RGS20: variants seen among roughly 807,000 people sequenced by gnomAD.
The protein encoded by RGS20 is gz-selective GTPase-activating protein.
In RGS20, 30 loss-of-function variants were observed where a neutral mutation model predicts 33.6. The ratio of observed to expected loss-of-function variants is 0.89; its 90% CI spans 0.67 to 1.21. The LOEUF is 1.21. Ranked by LOEUF, RGS20 falls within the 50% of genes most tolerant of loss-of-function variation. The pLI is 0.00. For synonymous variants in RGS20, 208 were observed against 197.9 expected, an observed-to-expected ratio of 1.05 and a Z score of -0.43; for missense variants, 472 against 502.4, an observed-to-expected ratio of 0.94 and a Z score of 0.58.
At chr8:53,927,197 G>T (rs1813824965) in intron 2 of RGS20, among the ~76,000 whole-genome samples, 1 of 143,354 alleles carries the variant, frequency 7.0e-6, no homozygotes, top group African/African-American at 2.8e-5. Flanking sequence ...TTGTTTTTTG[G>T]GGCGTTTTTT....
chr8:53,861,085 A>G (rs1294109932), intron 1 of RGS20, among the ~76,000 whole-genome samples: 1 of 152,228 alleles, frequency 6.6e-6, no homozygotes, highest in Non-Finnish European at 1.5e-5. Flanking sequence ...TGGGATTCCA[A>G]AATCAACGAT....
intron 1 of RGS20, among the ~76,000 whole-genome samples, chr8:53,861,921 G>A (rs972133160): frequency 5.9e-5 from 9 of 152,124 alleles, no homozygotes; most frequent in African/African-American, 2.2e-4. Context: ...TTTTGGAGAA[G>A]CCACACATCT....
Position 53,865,154 on chromosome 8 carries a change from T to C in RGS20, c.165+13090T>C, listed in dbSNP as rs116419145. 2.1e-3 allele frequency among the ~76,000 whole-genome samples: 323 copies of C among 152,352 alleles called. 3 individuals are homozygous for C. The highest frequency in any genetic ancestry group is 6.4e-3 in the African/African-American group (267 of 41,578). On this transcript the variant is annotated intron_variant, in intron 1 of 5. Coordinates refer to ENST00000297313, the MANE Select transcript of RGS20 (RefSeq NM_170587.4). ...TGGGCCTGTCACAAATTGTCCACTT[T>C]GGAGAGAACAATGTCTTCCCTGTTC... is the stretch of plus-strand genomic sequence containing the variant.
intron 1 of RGS20, among the ~76,000 whole-genome samples, chr8:53,853,259 G>T (rs1223837606): frequency 5.9e-5 from 9 of 152,194 alleles, no homozygotes; most frequent in Non-Finnish European, 1.3e-4. Flanking sequence ...GTATATGTGT[G>T]TATGTATATG....
At chr8:53,939,430 C>A in intron 2 of RGS20, 146 bp from the exon 2 acceptor site, 2 of 747,372 alleles carry the variant, frequency 2.7e-6, no homozygotes, top group Non-Finnish European at 3.9e-6. Flanking sequence ...AGATTCTAAG[C>A]ACTAAATTTT....
intron 2 of RGS20, among the ~76,000 whole-genome samples, chr8:53,904,738 T>C (rs1171791242): frequency 6.6e-6 from 1 of 152,030 alleles, no homozygotes; most frequent in East Asian, 1.9e-4. Flanking sequence ...AGAATGCCAC[T>C]ATTTCCTGGG....
chr8:53,932,246 C>T (rs1813993413), intron 2 of RGS20, among the ~76,000 whole-genome samples: 1 of 152,204 alleles, frequency 6.6e-6, no homozygotes, highest in East Asian at 1.9e-4. Flanking sequence ...GTTTTTCATA[C>T]CCCAGTTTCA....
chr8:53,908,174 T>C (rs1292666853), intron 2 of RGS20, among the ~76,000 whole-genome samples: 1 of 152,106 alleles, frequency 6.6e-6, no homozygotes, highest in Non-Finnish European at 1.5e-5. Context: ...GGTGATTAAC[T>C]CTTAGAAATG....
chr8:53,882,369 C>A (rs1812413572), intron 2 of RGS20, among the ~76,000 whole-genome samples: 1 of 152,072 alleles, frequency 6.6e-6, no homozygotes, highest in Non-Finnish European at 1.5e-5. Flanking sequence ...AAAGGAAAAT[C>A]CTGGCGAGCA....
At chr8:53,892,717 G>A (rs1290739486) in intron 2 of RGS20, among the ~76,000 whole-genome samples, 1 of 152,040 alleles carries the variant, frequency 6.6e-6, no homozygotes, top group African/African-American at 2.4e-5. Context: ...ATCAGTAAGT[G>A]GTACCTCTTG....
At chr8:53,853,701 A>C (rs1339677212) in intron 1 of RGS20, among the ~76,000 whole-genome samples, 1 of 152,252 alleles carries the variant, frequency 6.6e-6, no homozygotes, top group South Asian at 2.1e-4. Context: ...GCTAGGAGCC[A>C]TAGGGAATAA....
intron 2 of RGS20, among the ~76,000 whole-genome samples, chr8:53,893,870 A>C (rs528292212): frequency 4.1e-4 from 62 of 152,376 alleles, no homozygotes; most frequent in African/African-American, 1.4e-3. Context: ...AAAATTATGC[A>C]AAATCTAGTA....
At chr8:53,956,647 G>A (rs948511126) in intron 5 of RGS20, among the ~76,000 whole-genome samples, 22 of 152,054 alleles carry the variant, frequency 1.4e-4, no homozygotes, top group Admixed American at 3.9e-4. Flanking sequence ...ATTTTGCGTC[G>A]TTACGTTTTG....
chr8:53,897,432 C>A (rs554040590), intron 2 of RGS20, among the ~76,000 whole-genome samples: 1 of 152,140 alleles, frequency 6.6e-6, no homozygotes, highest in Non-Finnish European at 1.5e-5. Context: ...TGGTAGGAAG[C>A]ATCAGTAGAA....
intron 4 of RGS20, among the ~76,000 whole-genome samples, chr8:53,950,249 A>G (rs901030046): frequency 2.0e-5 from 3 of 152,224 alleles, no homozygotes; most frequent in African/African-American, 7.2e-5. Context: ...GATGATTGAA[A>G]TAGAAGATTA....
At chr8:53,884,349 C>T (rs565827116) in intron 2 of RGS20, among the ~76,000 whole-genome samples, 1 of 152,144 alleles carries the variant, frequency 6.6e-6, no homozygotes, top group East Asian at 1.9e-4. Context: ...GTGCCTGCCA[C>T]CGCACCTGGC....
Position 53,940,577 on chromosome 8 carries a change from G to A in RGS20, c.659+853G>A, listed in dbSNP as rs188711587. Among the ~76,000 whole-genome samples, 793 of 152,336 alleles carry A rather than the reference G, an allele frequency of 5.2e-3. 25 individuals carry two copies. Among genetic ancestry groups the A allele is most frequent in the Admixed American group, 0.048 (727 of 15,298 alleles). ...ACTAACAGAACTGATCCCTGGGGAGGAGAGTGGAGTTGAAAATGAAATGCC... is the reference window on the plus strand; with the variant it reads ...ACTAACAGAACTGATCCCTGGGGAGAAGAGTGGAGTTGAAAATGAAATGCC... On this transcript the variant is annotated intron_variant, in intron 3 of 5. Transcript: ENST00000297313.
intron 2 of RGS20, among the ~76,000 whole-genome samples, chr8:53,900,336 C>T (rs1812980134): frequency 6.6e-6 from 1 of 151,990 alleles, no homozygotes; most frequent in African/African-American, 2.4e-5. Context: ...GAGACGGGGT[C>T]TCACTATGTT....
At chr8:53,926,410 A>G (rs1813796511) in intron 2 of RGS20, among the ~76,000 whole-genome samples, 1 of 152,160 alleles carries the variant, frequency 6.6e-6, no homozygotes, top group Non-Finnish European at 1.5e-5. Flanking sequence ...TCAGAAGCTT[A>G]TCTATGATTC....
Sources: allele counts gnomAD v4.1 joint callset (sites outside exome capture counted in the v4.1 genomes callset), GRCh38; gene constraint gnomAD v4.1.1; transcripts MANE v1.5; gene names NCBI Gene and HGNC (gene_info 2026-07-23, HGNC 2026-07-21).